The following PRDM10 variants were observed in gnomAD, a reference collection of about 807,000 sequenced individuals.
PRDM10 encodes PR domain zinc finger protein 10.
A neutral mutation model predicts 133.1 loss-of-function variants in PRDM10; 65 were observed. The observed-to-expected ratio is 0.49, with a 90% CI of 0.40 to 0.60. The LOEUF (loss-of-function observed/expected upper bound fraction) is 0.60. PRDM10 is among the 20% of genes least tolerant of loss of function. The probability of loss-of-function intolerance (pLI) is 0.00; values close to 1 mark genes in which losing one functional copy is unlikely to be tolerated. For synonymous variants in PRDM10, 582 were observed against 580.4 expected, an observed-to-expected ratio of 1.00 and a Z score of -0.04; for missense variants, 1,137 against 1,507.1, an observed-to-expected ratio of 0.75 and a Z score of 4.07.
chr11:129,949,961 C>T (rs1951540285), intron 4 of PRDM10, among the ~76,000 whole-genome samples: 2 of 127,150 alleles, frequency 1.6e-5, no homozygotes, highest in South Asian at 2.6e-4. Flanking sequence ...AGAGGCCAGG[C>T]GTGATGGCTC....
chr11:129,977,273 C>CAT (rs1937815227), intron 1 of PRDM10, among the ~76,000 whole-genome samples: 1 of 150,750 alleles, frequency 6.6e-6, no homozygotes, highest in Non-Finnish European at 1.5e-5. Context: ...CACACACACA[C>CAT]ACACACACAC....
At position 129,905,756 on chromosome 11, in the gene PRDM10, A is replaced by G. The variant is rs1949997081; in HGVS notation, c.3164-15T>C. ...AATCTCAGATGCTAAAAAACAGGAA[A>G]TATTCATAGTTCAGTGGTCTCAGAT... On this transcript the variant is annotated splice_polypyrimidine_tract_variant and intron_variant, in intron 19 of 20. Coordinates refer to ENST00000360871, the MANE Select transcript of PRDM10 (RefSeq NM_199437.2). 15 of 1,604,244 alleles carry G rather than the reference A, an allele frequency of 9.4e-6. No individual in the cohort carries two copies. Among genetic ancestry groups the G allele is most frequent in the African/African-American group, 1.3e-5 (1 of 74,740 alleles).
At chr11:129,915,077 C>T (rs565673192) in intron 16 of PRDM10, 59 bp from the exon 17 acceptor site, 2 of 1,502,082 alleles carry the variant, frequency 1.3e-6, no homozygotes, top group East Asian at 4.5e-5. Context: ...TTCCGTTTTT[C>T]TCATATGTAA....
intron 6 of PRDM10, among the ~76,000 whole-genome samples, chr11:129,944,432 G>T (rs1419136589): frequency 1.3e-5 from 2 of 150,634 alleles, no homozygotes; most frequent in Non-Finnish European, 3.0e-5. Context: ...AATACAAAAA[G>T]AAATTAGCCG....
chr11:129,939,089 G>A lies in PRDM10; in HGVS notation c.967-1419C>T, dbSNP rs180952271. On this transcript the variant is annotated intron_variant, in intron 7 of 20. Transcript: ENST00000360871. ...CTTCCCCAACCATCACATCAAAATC[G>A]GTCCCTTTCTTGTTACCTGCTCTTC... 4.3e-4 allele frequency among the ~76,000 whole-genome samples: 66 copies of A among 152,178 alleles called. 1 individual carries two copies. The highest frequency in any genetic ancestry group is 1.4e-3 in the African/African-American group (58 of 41,518).
rs757686056 is a variant in PRDM10, at chr11:129,914,787, T to C, written c.2758A>G (p.Ile920Val). The C allele has an allele frequency of 1.2e-6, 2 of 1,614,208 alleles. No individual in the cohort carries two copies. Among genetic ancestry groups the C allele is most frequent in the Admixed American group, 1.7e-5 (1 of 60,030 alleles). Residue 920 changes from isoleucine to valine, a missense_variant, in exon 17 of 21, where the codon ATT becomes GTT. By Grantham distance (29) the Ile-to-Val change is conservative (BLOSUM62 3). Around this residue, in one of 6 missense-constraint regions of PRDM10, gnomAD observed 113 missense variants for 143.7 expected, o/e 0.79. Coordinates refer to ENST00000360871, the MANE Select transcript of PRDM10 (RefSeq NM_199437.2). ...GACTGCGACACAGGGATGTACTGAA[T>C]TCTCTGGTAATCCCCTTGTGGCGTT... is the stretch of plus-strand genomic sequence containing the variant. Reference protein sequence around the residue: ...YRTPQGDYQRIQYIPVSQSAS... With the variant: ...YRTPQGDYQRVQYIPVSQSAS...
intron 11 of PRDM10, chr11:129,929,551 G>T (rs1178137549): frequency 2.6e-6 from 2 of 765,866 alleles, no homozygotes; most frequent in South Asian, 2.3e-5. Flanking sequence ...TTTTTAGAAT[G>T]TGTGAGAGAA....
intron 1 of PRDM10, among the ~76,000 whole-genome samples, chr11:129,997,991 GCTGA>G (rs57993119): frequency 0.097 from 14,690 of 152,122 alleles, 821 homozygotes; most frequent in Admixed American, 0.16. Context: ...CCTACCCCTA[GCTGA>G]CTAAGGCTGC....
intron 1 of PRDM10, among the ~76,000 whole-genome samples, chr11:129,977,298 ACATT>A (rs1454990663): frequency 6.8e-6 from 1 of 147,020 alleles, no homozygotes; most frequent in Non-Finnish European, 1.5e-5. Context: ...ACACACACAC[ACATT>A]GAGATGCAGT....
intron 10 of PRDM10, 144 bp from the exon 11 acceptor site, chr11:129,931,402 A>C: frequency 8.8e-7 from 1 of 1,140,922 alleles, no homozygotes; most frequent in Non-Finnish European, 1.2e-6. Context: ...TTAGGTAACT[A>C]TGCACAGAAG....
chr11:129,912,467 A>C (rs113572592), intron 17 of PRDM10, among the ~76,000 whole-genome samples: 43 of 151,800 alleles, frequency 2.8e-4, no homozygotes, highest in Non-Finnish European at 5.2e-4. Flanking sequence ...TAGTCAGGTG[A>C]ATGGCCGGGC....
chr11:129,928,885 T>C (rs771455493), intron 11 of PRDM10, among the ~76,000 whole-genome samples: 8 of 152,180 alleles, frequency 5.3e-5, no homozygotes, highest in Non-Finnish European at 7.3e-5. Flanking sequence ...TCTGATCCTA[T>C]GGCTATCATT....
chr11:129,979,896 CCG>C (rs1171455018), intron 1 of PRDM10, among the ~76,000 whole-genome samples: 3 of 152,230 alleles, frequency 2.0e-5, no homozygotes, highest in African/African-American at 7.2e-5. Context: ...GCAGCCCCTT[CCG>C]ACCTTCAGTT....
At chr11:129,984,474 T>C (rs1938297515) in intron 1 of PRDM10, among the ~76,000 whole-genome samples, 1 of 152,172 alleles carries the variant, frequency 6.6e-6, no homozygotes, top group African/African-American at 2.4e-5. Context: ...CAGCGCGGCC[T>C]GCAGTCCAGC....
intron 1 of PRDM10, among the ~76,000 whole-genome samples, chr11:129,996,094 G>C (rs992549104): frequency 9.9e-5 from 15 of 152,232 alleles, no homozygotes; most frequent in African/African-American, 3.4e-4. Context: ...TTCTACGTGA[G>C]GGGGCTAAAA....
At chr11:129,970,662 A>C (rs1407089977) in intron 1 of PRDM10, among the ~76,000 whole-genome samples, 1 of 151,308 alleles carries the variant, frequency 6.6e-6, no homozygotes, top group Non-Finnish European at 1.5e-5. Context: ...CTCCTGCCTC[A>C]GCCTCCTGAG....
chr11:129,995,933 G>A (rs1652936672), intron 1 of PRDM10, among the ~76,000 whole-genome samples: 1 of 151,498 alleles, frequency 6.6e-6, no homozygotes, highest in South Asian at 2.1e-4. Context: ...GCAACAGAGC[G>A]GGACTCTGTC....
chr11:129,982,249 C>A (rs144138930), intron 1 of PRDM10, among the ~76,000 whole-genome samples: 1 of 151,886 alleles, frequency 6.6e-6, no homozygotes, highest in Non-Finnish European at 1.5e-5. Flanking sequence ...CAGAGCAAGA[C>A]CCTGTCTCAA....
chr11:129,976,547 A>G (rs75342820), intron 1 of PRDM10, among the ~76,000 whole-genome samples: 1 of 152,348 alleles, frequency 6.6e-6, no homozygotes, highest in Non-Finnish European at 1.5e-5. Context: ...ATGACAGCAC[A>G]GAACAATAAG....
Sources: gnomAD v4.1 joint callset for allele counts (sites outside exome capture counted in the v4.1 genomes callset) on GRCh38, gnomAD v4.1.1 for gene constraint, gnomAD v4.1.1 regional missense constraint, MANE v1.5 for transcripts, NCBI Gene and HGNC (gene_info 2026-07-23, HGNC 2026-07-21) for gene names.